Variants in BAZ2B observed in about 807,000 individuals in gnomAD.
BAZ2B encodes bromodomain adjacent to zinc finger domain 2B.
BAZ2B carries 91 observed loss-of-function variants against 246.0 expected under a neutral mutation model. The observed-to-expected ratio is 0.37, with a 90% CI of 0.31 to 0.44. The LOEUF (loss-of-function observed/expected upper bound fraction) is 0.44. Among genes scored for constraint, BAZ2B ranks in the 20% least tolerant of loss-of-function variants. The pLI is 1.00. For missense variants in BAZ2B, 2,332 were observed against 2,533.7 expected (o/e 0.92, Z 1.71); for synonymous variants, 855 against 860.0 (o/e 0.99, Z 0.10).
At chr2:159,351,422 T>C (rs541372078) in intron 27 of BAZ2B, among the ~76,000 whole-genome samples, 18 of 152,146 alleles carry the variant, frequency 1.2e-4, no homozygotes, top group Non-Finnish European at 2.4e-4. Context: ...CTGTAAATAA[T>C]GACCTTTTAT....
chr2:159,419,102 T>C (rs2068273677), intron 13 of BAZ2B, among the ~76,000 whole-genome samples: 1 of 152,228 alleles, frequency 6.6e-6, no homozygotes, highest in African/African-American at 2.4e-5. Flanking sequence ...CCTTTCCTTT[T>C]GAAATTGTAC....
intron 2 of BAZ2B, among the ~76,000 whole-genome samples, chr2:159,502,921 T>C (rs2081991147): frequency 6.6e-6 from 1 of 152,210 alleles, no homozygotes; most frequent in Non-Finnish European, 1.5e-5. Context: ...TAAAGCTATA[T>C]TAATTCAGTT....
chr2:159,698,775 A>G, the BAZ2B span, among the ~76,000 whole-genome samples: 1 of 152,130 alleles, frequency 6.6e-6, no homozygotes, highest in African/African-American at 2.4e-5. Context: ...AAATCTGACT[A>G]TTCATTTTAT....
chr2:159,656,407 T>C, the BAZ2B span, among the ~76,000 whole-genome samples: 1 of 152,162 alleles, frequency 6.6e-6, no homozygotes, highest in African/African-American at 2.4e-5. Context: ...GACAGATGTA[T>C]AATGACATGT....
intron 13 of BAZ2B, among the ~76,000 whole-genome samples, chr2:159,416,998 C>A (rs1322687422): frequency 6.6e-6 from 1 of 152,018 alleles, no homozygotes; most frequent in African/African-American, 2.4e-5. Flanking sequence ...ATGCCATTGG[C>A]TTTTTATCTA....
chr2:159,653,123 T>A, the BAZ2B span, among the ~76,000 whole-genome samples: 1,367 of 152,000 alleles, frequency 9.0e-3, 10 homozygotes, highest in Admixed American at 0.014. Flanking sequence ...TACTTTTTGG[T>A]AGAGACAGGG....
chr2:159,329,382 T>C lies in BAZ2B; in HGVS notation c.5943+3158A>G, dbSNP rs145319220. ...ATTTTATATAAGGAACCTGAGCATC[T>C]GTGACTCTGGTATCCATGGTGGATC... On this transcript the variant is annotated intron_variant, in intron 34 of 36. Coordinates refer to ENST00000392783, the MANE Select transcript of BAZ2B (RefSeq NM_013450.4). Among the ~76,000 whole-genome samples, 200 of 152,296 alleles carry C rather than the reference T, an allele frequency of 1.3e-3. 1 individual carries two copies. Among genetic ancestry groups the C allele is most frequent in the African/African-American group, 4.6e-3 (192 of 41,560 alleles).
At chr2:159,484,007 T>A (rs1490168008) in intron 2 of BAZ2B, among the ~76,000 whole-genome samples, 1 of 152,202 alleles carries the variant, frequency 6.6e-6, no homozygotes, top group African/African-American at 2.4e-5. Context: ...TGATTTTGGT[T>A]TTCTGACACA....
At chr2:159,664,973 T>C in the BAZ2B span, among the ~76,000 whole-genome samples, 1 of 151,476 alleles carries the variant, frequency 6.6e-6, no homozygotes, top group African/African-American at 2.4e-5. Flanking sequence ...GCCCAAAATC[T>C]CCTTAAGCTG....
chr2:159,409,300 A>C (rs2066453633), intron 14 of BAZ2B, among the ~76,000 whole-genome samples: 1 of 152,206 alleles, frequency 6.6e-6, no homozygotes, highest in South Asian at 2.1e-4. Context: ...ATCTTAAAAT[A>C]ACGGTGCATG....
At chr2:159,605,698 G>C (rs1413485720) in intron 1 of BAZ2B, among the ~76,000 whole-genome samples, 1 of 151,770 alleles carries the variant, frequency 6.6e-6, no homozygotes, top group African/African-American at 2.4e-5. Flanking sequence ...GTCCAGTCTG[G>C]GCAACAGAGC....
In BAZ2B at chr2:159,400,608, T is replaced by G. The variant is rs368903159; in HGVS notation, c.2889A>C (p.Gln963His). The G allele has an allele frequency of 6.4e-7, 1 of 1,567,140 alleles. No homozygotes were observed. The highest frequency in any genetic ancestry group is 8.7e-7 in the Non-Finnish European group (1 of 1,144,996). Residue 963 changes from glutamine (Q) to histidine (H), a missense_variant, in exon 17 of 37, where the codon CAA (glutamine) becomes CAC (histidine). By Grantham distance (24) the Gln-to-His change is conservative. Around this residue, in one of 9 missense-constraint regions of BAZ2B, gnomAD observed 328 missense variants for 410.4 expected, o/e 0.80. Transcript: ENST00000392783. The stretch of plus-strand genomic sequence containing the variant: ...AATTTAAGACTTCTACCTCTAGAAT[T>G]TGCTGAGCTCGAAGTTCTTTTTCCA... ...IRMEKELRAQ[Q>H]ILEAKKKKKE...
At chr2:159,345,933 C>T (rs898834619) in intron 31 of BAZ2B, among the ~76,000 whole-genome samples, 5 of 152,122 alleles carry the variant, frequency 3.3e-5, no homozygotes, top group African/African-American at 1.2e-4. Flanking sequence ...TTAAATCAGG[C>T]TTTTTATTTT....
At chr2:159,420,590 C>A (rs1006440331) in intron 13 of BAZ2B, among the ~76,000 whole-genome samples, 3 of 152,026 alleles carry the variant, frequency 2.0e-5, no homozygotes, top group Non-Finnish European at 4.4e-5. Context: ...TAGCTTTCTA[C>A]AATTCACAAA....
chr2:159,527,238 A>G (rs1464415476), intron 2 of BAZ2B, among the ~76,000 whole-genome samples: 1 of 152,124 alleles, frequency 6.6e-6, no homozygotes, highest in Non-Finnish European at 1.5e-5. Flanking sequence ...TCATGTGTTC[A>G]GCTGACATCC....
chr2:159,684,821 A>G, the BAZ2B span, among the ~76,000 whole-genome samples: 1 of 152,236 alleles, frequency 6.6e-6, no homozygotes, highest in Non-Finnish European at 1.5e-5. Context: ...ATTCTATGAT[A>G]TAGAATAAAA....
chr2:159,558,983 T>C (rs1226700150), intron 1 of BAZ2B, among the ~76,000 whole-genome samples: 1 of 152,164 alleles, frequency 6.6e-6, no homozygotes, highest in Non-Finnish European at 1.5e-5. Context: ...TTCATGCCTG[T>C]AATCCCAGCA....
At chr2:159,417,455 G>A (rs1056513779) in intron 13 of BAZ2B, among the ~76,000 whole-genome samples, 5 of 152,098 alleles carry the variant, frequency 3.3e-5, no homozygotes, top group Admixed American at 6.5e-5. Context: ...ACATGCGTGC[G>A]CCACCAAGCC....
intron 2 of BAZ2B, among the ~76,000 whole-genome samples, chr2:159,543,473 C>T (rs2086899889): frequency 6.7e-6 from 1 of 150,068 alleles, no homozygotes; most frequent in African/African-American, 2.5e-5. Context: ...GTGGTATGGA[C>T]TTATGCTTTT....
Sources: gnomAD v4.1 joint callset for allele counts (sites outside exome capture counted in the v4.1 genomes callset) on GRCh38, gnomAD v4.1.1 for gene constraint, gnomAD v4.1.1 regional missense constraint, MANE v1.5 for transcripts, NCBI Gene and HGNC (gene_info 2026-07-23, HGNC 2026-07-21) for gene names.